Variants in REEP2 observed in about 807,000 individuals in gnomAD.
REEP2 encodes the protein receptor expression-enhancing protein 2.
In REEP2, 9 loss-of-function variants were observed where a neutral mutation model predicts 32.1. The ratio of observed to expected loss-of-function variants is 0.28; its 90% confidence interval spans 0.17 to 0.49. The LOEUF (loss-of-function observed/expected upper bound fraction) is 0.49. Ranked by LOEUF, REEP2 falls within the 20% of genes least tolerant of loss-of-function variation. The probability of loss-of-function intolerance (pLI) is 0.99; values close to 1 mark genes in which losing one functional copy is unlikely to be tolerated. For synonymous variants in REEP2, 128 were observed against 139.1 expected (o/e 0.92, Z 0.56); for missense variants, 236 against 338.0 (o/e 0.70, Z 2.37).
chr5:138,441,159 A>G lies in REEP2; in HGVS notation c.105+71A>G. On this transcript the variant is annotated intron_variant, in intron 2 of 7. Coordinates refer to ENST00000378339, the MANE Select transcript of REEP2 (RefSeq NM_001271803.2). The surrounding 1 kb of genome is among the most constrained non-coding windows in gnomAD (Gnocchi z 4.4). Reference sequence around the variant, plus strand: ...AGAGGGGAGGGCACTGGGTCCTATTACAGATGGGGGTGACTTTGCACCAAC... The same window carrying G: ...AGAGGGGAGGGCACTGGGTCCTATTGCAGATGGGGGTGACTTTGCACCAAC... 2 of 1,588,180 alleles carry G rather than the reference A, an allele frequency of 1.3e-6. No homozygotes were observed. The highest frequency in any genetic ancestry group is 1.7e-5 in the Admixed American group (1 of 57,824).
chr5:138,441,884 G>A lies in REEP2; in HGVS notation c.182+423G>A, dbSNP rs149495840. ...AGAGGTTGCAGTGAGCCGAGATCGC[G>A]CCATTGCACTCCAGCCTGGGCAACA... On this transcript the variant is annotated intron_variant, in intron 3 of 7. Coordinates refer to ENST00000378339, the MANE Select transcript of REEP2 (RefSeq NM_001271803.2). This position sits in a 1 kb window ranked among gnomAD's most constrained non-coding sequence, Gnocchi z 4.4. 7.1e-3 allele frequency among the ~76,000 whole-genome samples: 1,084 copies of A among 152,052 alleles called. 6 individuals are homozygous for A. The highest frequency in any genetic ancestry group is 0.024 in the African/African-American group (1,007 of 41,454).
chr5:138,444,629 C>A, intron 4 of REEP2, 94 bp downstream of exon 4: 1 of 1,573,470 alleles, frequency 6.4e-7, no homozygotes, highest in Non-Finnish European at 8.7e-7. Flanking sequence ...CCCTGTGGGG[C>A]CCAGAGCCCA....
rs762550018 is a variant in REEP2, at chr5:138,445,790, C to A, written c.*39C>A. ...CGCAGGCTGCAGAGCAAGGATGAAG[C>A]CTCAGGAGGGGCCTCAGACCCAGCC... On this transcript the variant is annotated 3_prime_UTR_variant, in exon 8 of 8. Coordinates refer to ENST00000378339, the MANE Select transcript of REEP2 (RefSeq NM_001271803.2). 6.9e-6 allele frequency: 11 copies of A among 1,590,122 alleles called. No individual in the cohort carries two copies. The South Asian group carries it at 1.2e-4, about 18-fold the overall frequency.
At position 138,441,443 on chromosome 5, in the gene REEP2, C is replaced by A; in HGVS notation, c.164C>A (p.Thr55Lys). Residue 55 changes from threonine to lysine, a missense_variant, in exon 3 of 8, where the codon ACG becomes AAG. By Grantham distance (78) the Thr-to-Lys change is moderately conservative (BLOSUM62 -1). Coordinates refer to ENST00000378339, the MANE Select transcript of REEP2 (RefSeq NM_001271803.2). The surrounding 1 kb of genome is among the most constrained non-coding windows in gnomAD (Gnocchi z 4.4). The stretch of plus-strand genomic sequence containing the variant: ...TTCTTCACCACGGCCGAGACGCTCA[C>A]GGATATAGTGCTCTCCTGGTGAGGT... ...FAFFTTAETL[T>K]DIVLSWFPFY... 6.2e-7 allele frequency: 1 copy of A among 1,614,126 alleles called. No homozygotes were observed. Among genetic ancestry groups the A allele is most frequent in the Non-Finnish European group, 8.5e-7 (1 of 1,179,964 alleles).
intron 3 of REEP2, 70 bp from the exon 4 acceptor site, chr5:138,444,345 C>T (rs953325563): frequency 8.9e-6 from 14 of 1,565,156 alleles, no homozygotes; most frequent in Admixed American, 3.4e-5. Context: ...CACATGGGGC[C>T]GGTGCTGCTG....
chr5:138,445,677 C>T lies in REEP2; in HGVS notation c.697-6C>T. 1.9e-6 allele frequency: 3 copies of T among 1,614,144 alleles called. No individual in the cohort carries two copies. The highest frequency in any genetic ancestry group is 2.5e-6 in the Non-Finnish European group (3 of 1,180,018). On this transcript the variant is annotated splice_polypyrimidine_tract_variant and splice_region_variant and intron_variant, in intron 7 of 7. Transcript: ENST00000378339. ...CTGAGCCCCATCTTCCTCCTTCTTT[C>T]CACAGCCACTGGCTTCCAAGACACT...
chr5:138,445,836 T>C lies in REEP2; in HGVS notation c.*85T>C. 4 of 1,346,376 alleles carry C rather than the reference T, an allele frequency of 3.0e-6. No homozygotes were observed. Among genetic ancestry groups the C allele is most frequent in the Non-Finnish European group, 4.1e-6 (4 of 979,438 alleles). The allele number at this position is 1,346,376 out of a possible 1,614,324, so 83.4% of individuals were successfully genotyped here. On this transcript the variant is annotated 3_prime_UTR_variant, in exon 8 of 8. Transcript: ENST00000378339. The stretch of plus-strand genomic sequence containing the variant: ...CAGCCCCTGCTCCACACTGTGCCAG[T>C]AGCCTAGGTGTCTCAGGCCCCTGGG...
chr5:138,445,476 C>T lies in REEP2; in HGVS notation c.574C>T (p.Pro192Ser), dbSNP rs574350911. The change falls in exon 7 of 8, where the codon CCT (proline) becomes TCT (serine). Residue 192 changes from proline (P) to serine (S), a missense_variant. Transcript: ENST00000378339. ...TTTCTCCCTGCACCCAGGAGATGAC[C>T]CTGCCCTGAGTCTAAGGTCCAGCAC... Reference protein sequence around the residue: ...LDTIEDLGDDPALSLRSSTNP... With the variant: ...LDTIEDLGDDSALSLRSSTNP... The T allele has an allele frequency of 6.8e-6, 11 of 1,614,142 alleles. No individual in the cohort carries two copies. The African/African-American group carries it at 1.3e-4, about 20-fold the overall frequency.
intron 3 of REEP2, 48 bp from the exon 4 acceptor site, chr5:138,444,367 C>T: frequency 6.3e-7 from 1 of 1,594,968 alleles, no homozygotes. Flanking sequence ...ACACAGGGCA[C>T]CTCCCAACTC....
rs1763887734 is a variant in REEP2 at position 138,444,553 on chromosome 5, G to A, written c.303+18G>A. 3.7e-6 allele frequency: 6 copies of A among 1,613,140 alleles called. No homozygotes were observed. Among genetic ancestry groups the A allele is most frequent in the Non-Finnish European group, 5.1e-6 (6 of 1,179,474 alleles). On this transcript the variant is annotated intron_variant, in intron 4 of 7. Coordinates refer to ENST00000378339, the MANE Select transcript of REEP2 (RefSeq NM_001271803.2). ...AGGAGAAGGTTTGCCCCCACTCTCA[G>A]CTCACCTCCCAGCCTGCCCCCAGCC...
chr5:138,445,652 C>G, intron 7 of REEP2, 31 bp from the exon 8 acceptor site: 1 of 1,614,106 alleles, frequency 6.2e-7, no homozygotes, highest in East Asian at 2.2e-5. Context: ...CGGCTCCAGG[C>G]TGAGCCCCAT....
At chr5:138,440,218 C>G (rs1006126502) in intron 1 of REEP2, among the ~76,000 whole-genome samples, 1 of 152,216 alleles carries the variant, frequency 6.6e-6, no homozygotes, top group Non-Finnish European at 1.5e-5. Flanking sequence ...TCCCTTCTTC[C>G]CATTCGGTAC....
intron 1 of REEP2, among the ~76,000 whole-genome samples, chr5:138,440,235 G>A (rs1280741272): frequency 6.6e-6 from 1 of 152,224 alleles, no homozygotes; most frequent in East Asian, 1.9e-4. Flanking sequence ...GTACAGCCGG[G>A]CCGGCCAAGT....
chr5:138,446,771 C>T lies in REEP2; in HGVS notation c.*1020C>T, dbSNP rs1450840580. ...CCATCCTGTACCAAGCAGACTGGGC[C>T]CTAAGACCCCTGGCAGAACCCAGCC... On this transcript the variant is annotated 3_prime_UTR_variant, in exon 8 of 8. Coordinates refer to ENST00000378339, the MANE Select transcript of REEP2 (RefSeq NM_001271803.2). 1 of 152,310 alleles carries T rather than the reference C, an allele frequency of 6.6e-6. No homozygotes were observed. The highest frequency in any genetic ancestry group is 1.5e-5 in the Non-Finnish European group (1 of 68,152). 9.4% of individuals were successfully genotyped at this position (152,310 alleles called of 1,614,324 possible).
At chr5:138,439,367 C>A in intron 1 of REEP2, 127 bp downstream of exon 1, 2 of 953,490 alleles carry the variant, frequency 2.1e-6, no homozygotes, top group Non-Finnish European at 3.0e-6. Flanking sequence ...TTATTTGGGG[C>A]CCCCAGAGAC....
Position 138,441,513 on chromosome 5 carries a change from C to A in REEP2, c.182+52C>A. On this transcript the variant is annotated intron_variant, in intron 3 of 7. Transcript: ENST00000378339. The surrounding 1 kb of genome is among the most constrained non-coding windows in gnomAD (Gnocchi z 4.4). ...CTCAGGGCCCAGGGCCTCTGCCTTT[C>A]TCTACCCAGCCAGCCAAACAAAAGA... 6.6e-7 allele frequency: 1 copy of A among 1,503,896 alleles called. No homozygotes were observed. The highest frequency in any genetic ancestry group is 9.3e-7 in the Non-Finnish European group (1 of 1,079,992). 93.2% of individuals were successfully genotyped at this position (1,503,896 alleles called of 1,614,324 possible).
chr5:138,444,917 G>A (rs1424282762), intron 5 of REEP2, 50 bp downstream of exon 5: 1 of 1,411,074 alleles, frequency 7.1e-7, no homozygotes, highest in Admixed American at 2.0e-5. Flanking sequence ...TTGTACAAAG[G>A]GCCCTGGCCA....
In REEP2 at chr5:138,446,162, T is replaced by A. The variant is rs547963293; in HGVS notation, c.*411T>A. 14 of 178,984 alleles carry A rather than the reference T, an allele frequency of 7.8e-5. No individual in the cohort carries two copies. Among genetic ancestry groups the A allele is most frequent in the Admixed American group, 2.2e-4 (4 of 18,094 alleles). 11.1% of individuals were successfully genotyped at this position (178,984 alleles called of 1,614,324 possible). On this transcript the variant is annotated 3_prime_UTR_variant, in exon 8 of 8. Transcript: ENST00000378339. ...AGGGAGGGGGAAGTCCTAGCCCAGA[T>A]GGACCAAGGACGGGCCTGAAGGCAC...
Position 138,446,426 on chromosome 5 carries a change from T to G in REEP2, c.*675T>G, listed in dbSNP as rs4835796. 0.56 allele frequency: 84,722 copies of G among 151,860 alleles called. 23,856 individuals are homozygous for G. Among genetic ancestry groups the G allele is most frequent in the East Asian group, 0.79 (4,068 of 5,130 alleles). The allele number at this position is 151,860 out of a possible 1,614,324, so 9.4% of individuals were successfully genotyped here. On this transcript the variant is annotated 3_prime_UTR_variant, in exon 8 of 8. Coordinates refer to ENST00000378339, the MANE Select transcript of REEP2 (RefSeq NM_001271803.2). The stretch of plus-strand genomic sequence containing the variant: ...GTCTTTCTGGGTCTAGGGCTCGGGG[T>G]AGTTTGGGTCAAGGACTGTCCCTCC...
Sources: allele counts gnomAD v4.1 joint callset (sites outside exome capture counted in the v4.1 genomes callset), GRCh38; gene constraint gnomAD v4.1.1; non-coding constraint Gnocchi (gnomAD v3.1); transcripts MANE v1.5; gene names NCBI Gene and HGNC (gene_info 2026-07-23, HGNC 2026-07-21).